Variants in BMPER observed in about 807,000 individuals in gnomAD.
BMPER encodes BMP-binding endothelial regulator protein.
BMPER carries 45 observed loss-of-function variants against 87.3 expected under a neutral mutation model. The ratio of observed to expected loss-of-function variants is 0.52; its 90% CI spans 0.41 to 0.66. The LOEUF (loss-of-function observed/expected upper bound fraction) is 0.66, where lower values mean the gene tolerates loss of function less well. BMPER is among the 30% of genes least tolerant of loss of function. The pLI is 0.00. For synonymous variants in BMPER, 326 were observed against 316.2 expected (o/e 1.03, Z -0.33); for missense variants, 784 against 867.5 (o/e 0.90, Z 1.21).
In BMPER at chr7:33,970,300, G is replaced by A. The variant is rs1785509149; in HGVS notation, c.403-29G>A. On this transcript the variant is annotated intron_variant, in intron 4 of 14. Coordinates refer to ENST00000649409, the MANE Select transcript of BMPER (RefSeq NM_001365308.1). ...AGTAACTCCGTGGGAATTCTGGGCT[G>A]ACTTTGCTTGTTTTGTTCTGTGTTT... The A allele has an allele frequency of 3.7e-6, 6 of 1,604,908 alleles. No homozygotes were observed. The East Asian group carries it at 1.3e-4, about 36-fold the overall frequency.
At chr7:34,142,247 A>G (rs918036) in intron 13 of BMPER, among the ~76,000 whole-genome samples, 84,441 of 152,010 alleles carry the variant, frequency 0.56, 24,199 homozygotes, top group East Asian at 0.8. Flanking sequence ...AATAAAAAGG[A>G]CACTCTTTCA....
At chr7:34,089,462 G>T (rs1789317227) in intron 13 of BMPER, among the ~76,000 whole-genome samples, 1 of 152,020 alleles carries the variant, frequency 6.6e-6, no homozygotes, top group Non-Finnish European at 1.5e-5. Context: ...TTACTTTTGA[G>T]ATGTCTATGG....
At chr7:34,136,334 T>C (rs1239707504) in intron 13 of BMPER, among the ~76,000 whole-genome samples, 3 of 152,166 alleles carry the variant, frequency 2.0e-5, no homozygotes, top group Non-Finnish European at 2.9e-5. Context: ...CGTGCCTGTA[T>C]AGGGCTGAGG....
At chr7:33,957,220 G>A (rs1279950817) in intron 3 of BMPER, among the ~76,000 whole-genome samples, 1 of 151,726 alleles carries the variant, frequency 6.6e-6, no homozygotes, top group East Asian at 1.9e-4. Flanking sequence ...TAGGTGAGTG[G>A]TTAAACCAAC....
chr7:34,133,141 TG>T (rs1432984181), intron 13 of BMPER, among the ~76,000 whole-genome samples: 2 of 152,044 alleles, frequency 1.3e-5, no homozygotes, highest in East Asian at 3.9e-4. Flanking sequence ...AGATGATCCT[TG>T]GGGGGCTCCT....
intron 12 of BMPER, among the ~76,000 whole-genome samples, chr7:34,085,456 A>G (rs934600049): frequency 1.1e-4 from 16 of 152,180 alleles, no homozygotes; most frequent in Admixed American, 9.8e-4. Flanking sequence ...AAAAATATAA[A>G]CCCTAGAATA....
chr7:33,973,343 C>G (rs556092583), intron 5 of BMPER, among the ~76,000 whole-genome samples: 1 of 152,318 alleles, frequency 6.6e-6, no homozygotes, highest in South Asian at 2.1e-4. Context: ...AGGAGGGCCC[C>G]ACACTTACCA....
intron 12 of BMPER, among the ~76,000 whole-genome samples, chr7:34,085,197 A>G (rs1260842709): frequency 6.6e-6 from 1 of 152,222 alleles, no homozygotes; most frequent in Non-Finnish European, 1.5e-5. Flanking sequence ...AAATGTTTTC[A>G]TTATATCAGT....
chr7:34,103,406 T>A (rs1789734496), intron 13 of BMPER, among the ~76,000 whole-genome samples: 1 of 152,150 alleles, frequency 6.6e-6, no homozygotes, highest in South Asian at 2.1e-4. Flanking sequence ...TAACCATATG[T>A]TTTGAAACCT....
intron 6 of BMPER, among the ~76,000 whole-genome samples, chr7:33,985,445 G>C (rs1785978670): frequency 6.6e-6 from 1 of 151,972 alleles, no homozygotes; most frequent in African/African-American, 2.4e-5. Context: ...TTACTATTTT[G>C]AATAATGTGA....
At chr7:33,997,882 T>G (rs963211026) in intron 6 of BMPER, among the ~76,000 whole-genome samples, 2 of 152,190 alleles carry the variant, frequency 1.3e-5, no homozygotes, top group African/African-American at 4.8e-5. Flanking sequence ...TTTTTCCTAT[T>G]AAAATGGTAA....
chr7:33,921,746 C>T (rs557237908), intron 2 of BMPER: 16 of 471,030 alleles, frequency 3.4e-5, no homozygotes, highest in African/African-American at 3.2e-4. Context: ...CAGGACGAAG[C>T]TGACGTGACG....
At chr7:34,143,417 C>T in intron 14 of BMPER, 57 bp downstream of exon 14, 1 of 1,607,670 alleles carries the variant, frequency 6.2e-7, no homozygotes. Context: ...CCCAAGATGG[C>T]AATGGAGGAG....
intron 6 of BMPER, among the ~76,000 whole-genome samples, chr7:34,035,192 G>A (rs1487231205): frequency 6.6e-6 from 1 of 152,184 alleles, no homozygotes; most frequent in African/African-American, 2.4e-5. Context: ...AGTGTTCCTT[G>A]ATGGAGGCCA....
chr7:34,049,615 AG>A (rs1459323957), intron 7 of BMPER, among the ~76,000 whole-genome samples: 2 of 152,160 alleles, frequency 1.3e-5, no homozygotes, highest in Non-Finnish European at 2.9e-5. Context: ...TGATTGGTGG[AG>A]GATGAAGCTT....
intron 13 of BMPER, among the ~76,000 whole-genome samples, chr7:34,094,808 A>G (rs1789487503): frequency 6.6e-6 from 1 of 152,196 alleles, no homozygotes; most frequent in Non-Finnish European, 1.5e-5. Context: ...CAGGCCTGGT[A>G]CAGAGCAAAT....
intron 6 of BMPER, among the ~76,000 whole-genome samples, chr7:33,987,587 G>A (rs1786044774): frequency 6.6e-6 from 1 of 152,136 alleles, no homozygotes; most frequent in African/African-American, 2.4e-5. Context: ...TGATCTGGGT[G>A]CACCTTCCAT....
intron 9 of BMPER, 146 bp downstream of exon 9, chr7:34,055,449 T>A: frequency 7.0e-6 from 7 of 998,660 alleles, no homozygotes; most frequent in East Asian, 2.7e-5. Flanking sequence ...AGAATGTATT[T>A]ATATTACAGT....
intron 6 of BMPER, among the ~76,000 whole-genome samples, chr7:34,040,519 T>C (rs1426143509): frequency 6.6e-6 from 1 of 151,504 alleles, no homozygotes; most frequent in Non-Finnish European, 1.5e-5. Flanking sequence ...CATGAAGCTG[T>C]CAATAATTTT....
Sources: gnomAD v4.1 joint callset for allele counts (sites outside exome capture counted in the v4.1 genomes callset) on GRCh38, gnomAD v4.1.1 for gene constraint, MANE v1.5 for transcripts, NCBI Gene and HGNC (gene_info 2026-07-23, HGNC 2026-07-21) for gene names.